Variants in UTP20 observed in about 807,000 individuals in gnomAD.
UTP20 encodes small subunit processome component 20 homolog.
A neutral mutation model predicts 329.5 loss-of-function variants in UTP20; 164 were observed. The observed-to-expected ratio is 0.50, with a 90% CI of 0.44 to 0.57. UTP20 has a LOEUF of 0.57. Among genes scored for constraint, UTP20 ranks in the 20% least tolerant of loss-of-function variants. UTP20 has a pLI of 0.00. For missense variants in UTP20, 3,055 were observed against 3,284.2 expected, an observed-to-expected ratio of 0.93 and a Z score of 1.71; for synonymous variants, 1,151 against 1,159.3, an observed-to-expected ratio of 0.99 and a Z score of 0.14.
intron 56 of UTP20, among the ~76,000 whole-genome samples, chr12:101,376,177 G>A (rs371041075): frequency 1.3e-5 from 2 of 152,022 alleles, no homozygotes; most frequent in African/African-American, 2.4e-5. Context: ...TTGAGAGGTT[G>A]CTTAGTTCCA....
At chr12:101,331,005 TCTTTC>T (rs147636254) in intron 27 of UTP20, among the ~76,000 whole-genome samples, 71 of 152,358 alleles carry the variant, frequency 4.7e-4, no homozygotes, top group African/African-American at 1.7e-3. Context: ...CTTTTTTGTG[TCTTTC>T]CTTTAGGGCA....
At chr12:101,320,213 T>G (rs1032565539) in intron 23 of UTP20, among the ~76,000 whole-genome samples, 2 of 152,210 alleles carry the variant, frequency 1.3e-5, no homozygotes, top group African/African-American at 4.8e-5. Context: ...GAGATTTTCC[T>G]TAGTACATGA....
chr12:101,376,644 T>C (rs909130989), intron 56 of UTP20, among the ~76,000 whole-genome samples: 2 of 152,140 alleles, frequency 1.3e-5, no homozygotes, highest in African/African-American at 2.4e-5. Context: ...GAACCACTTT[T>C]TTTTTGTTTT....
intron 12 of UTP20, 98 bp downstream of exon 12, chr12:101,295,756 G>C: frequency 1.6e-6 from 2 of 1,281,664 alleles, no homozygotes; most frequent in Non-Finnish European, 2.1e-6. Context: ...TATGTAACAG[G>C]AAAGATGTCC....
intron 25 of UTP20, among the ~76,000 whole-genome samples, chr12:101,323,010 G>A (rs74385735): frequency 2.2e-3 from 337 of 152,318 alleles, no homozygotes; most frequent in African/African-American, 7.4e-3. Context: ...GCAGATGGTT[G>A]TATGAAGTCC....
chr12:101,302,435 T>A lies in UTP20; in HGVS notation c.1676-13T>A. ...AATAAGTAATGTGGTTTCTCCTGTT[T>A]TTCTGCCCTTAGGAAACTTATTTGT... On this transcript the variant is annotated splice_polypyrimidine_tract_variant and intron_variant, in intron 14 of 61. Coordinates refer to ENST00000261637, the MANE Select transcript of UTP20 (RefSeq NM_014503.3). The A allele has an allele frequency of 1.3e-6, 2 of 1,529,178 alleles. No individual in the cohort carries two copies. The allele number at this position is 1,529,178 out of a possible 1,614,324, so 94.7% of individuals were successfully genotyped here. A position where few individuals can be genotyped will look rare whatever the true frequency, so the allele number is the denominator to read the frequency against.
At chr12:101,306,816 T>A in intron 17 of UTP20, 55 bp downstream of exon 17, 3 of 1,468,146 alleles carry the variant, frequency 2.0e-6, no homozygotes, top group Non-Finnish European at 1.8e-6. Flanking sequence ...TTACATATTA[T>A]TGTGGTTTCC....
At chr12:101,338,342 GA>G (rs1201380788) in intron 30 of UTP20, 65 bp downstream of exon 30, 41 of 1,530,322 alleles carry the variant, frequency 2.7e-5, no homozygotes, top group South Asian at 2.3e-4. Flanking sequence ...CCTTAGAAGA[GA>G]AAAAAAATCA....
chr12:101,294,880 A>G (rs1204188738), intron 11 of UTP20, among the ~76,000 whole-genome samples: 4 of 152,176 alleles, frequency 2.6e-5, no homozygotes, highest in African/African-American at 7.2e-5. Flanking sequence ...CTCGTTCTTT[A>G]AAAACTGGAA....
Position 101,363,664 on chromosome 12 carries a change from A to C in UTP20, c.5879A>C (p.Lys1960Thr). The C allele has an allele frequency of 9.9e-6, 16 of 1,613,844 alleles. No homozygotes were observed. The highest frequency in any genetic ancestry group is 1.4e-5 in the Non-Finnish European group (16 of 1,179,710). Reference sequence around the variant, plus strand: ...AAAGTCATGGAAGCACGAAGAAGCAAAAGTTACGACTCTTATGAAATCCTC... The same window carrying C: ...AAAGTCATGGAAGCACGAAGAAGCACAAGTTACGACTCTTATGAAATCCTC... ...LSKVMEARRS[K>T]SYDSYEILGK... The change falls in exon 45 of 62, where the codon AAA becomes ACA. Residue 1960 changes from lysine (K) to threonine (T), a missense_variant. Physicochemically the swap from Lys to Thr is moderately conservative, Grantham distance 78 (BLOSUM62 -1). This residue lies in a region of UTP20 where 2,445 missense variants were observed against 2,575.5 expected (regional missense o/e 0.95). Transcript: ENST00000261637.
intron 37 of UTP20, 69 bp from the exon 38 acceptor site, chr12:101,346,382 G>C (rs1455775701): frequency 1.3e-6 from 2 of 1,489,612 alleles, no homozygotes; most frequent in Non-Finnish European, 1.8e-6. Context: ...AAGAGAATAC[G>C]ATACTAAAAT....
In UTP20 at chr12:101,310,595, A is replaced by AAAAG. The variant is rs1330692306; in HGVS notation, c.2231+759_2231+760insGAAA. Among the ~76,000 whole-genome samples the AAAAG allele has an allele frequency of 1.1e-4, 14 of 121,762 alleles. 1 individual carries two copies. The highest frequency in any genetic ancestry group is 2.8e-4 in the Non-Finnish European group (14 of 49,802). 79.9% of individuals were successfully genotyped at this position (121,762 alleles called of 152,430 possible). A position where few individuals can be genotyped will look rare whatever the true frequency, so the allele number is the denominator to read the frequency against. On this transcript the variant is annotated intron_variant, in intron 19 of 61. Coordinates refer to ENST00000261637, the MANE Select transcript of UTP20 (RefSeq NM_014503.3). Reference sequence around the variant, plus strand: ...TGTCTCCCAAAAAAAAAAAAAAAAAAAAATACATGTTATGGCTCATGTGTA... The same window carrying AAAAG: ...TGTCTCCCAAAAAAAAAAAAAAAAAAAAAGAAATACATGTTATGGCTCATGTGTA...
Position 101,366,634 on chromosome 12 carries a change from G to A in UTP20, c.6202G>A (p.Gly2068Ser), listed in dbSNP as rs1210241748. ...TCTGCTTCCCCCAACTCCAGTTCGA[G>A]GTGGACAGAAAGCTGTTGTGAGCAG... ...CLLLPPTPVR[G>S]GQKAVVSRKT... is the part of the protein sequence containing the mutation. Residue 2068 changes from glycine (G) to serine (S), a missense_variant, in exon 47 of 62, where the codon GGT becomes AGT. Transcript: ENST00000261637. 19 of 1,614,012 alleles carry A rather than the reference G, an allele frequency of 1.2e-5. No homozygotes were observed. The highest frequency in any genetic ancestry group is 1.7e-5 in the Admixed American group (1 of 59,982).
In UTP20 at chr12:101,383,552, A is replaced by G. The variant is rs1317079186; in HGVS notation, c.7939A>G (p.Ile2647Val). ...TGATCTGTACTTTCAGAGAACATGC[A>G]TCTTTAAGTTCCTCGGCGCCGTAGC... The part of the protein sequence containing the change: ...SPRNPLKRTC[I>V]FKFLGAVAMD... The change falls in exon 60 of 62, where the codon ATC becomes GTC. Residue 2647 changes from isoleucine (I) to valine (V), a missense_variant. Physicochemically the swap from Ile to Val is conservative, Grantham distance 29. Coordinates refer to ENST00000261637, the MANE Select transcript of UTP20 (RefSeq NM_014503.3). The G allele has an allele frequency of 1.9e-6, 3 of 1,612,446 alleles. No homozygotes were observed. In the African/African-American group the frequency reaches 4.0e-5, roughly 22 times the overall value.
At position 101,357,072 on chromosome 12, in the gene UTP20, G is replaced by A. The variant is rs753504875; in HGVS notation, c.5681G>A (p.Arg1894His). 1.6e-5 allele frequency: 26 copies of A among 1,607,028 alleles called. No individual in the cohort carries two copies. The highest frequency in any genetic ancestry group is 1.3e-4 in the South Asian group (12 of 89,304). ...AAAGAATTACAGACTACTCTTGTCC[G>A]TGGATACCAGGTAAATTGCATCTTG... ...VLKELQTTLV[R>H]GYQVHVLTFT... Residue 1894 changes from arginine (R) to histidine (H), a missense_variant, in exon 43 of 62, where the codon CGT becomes CAT. By Grantham distance (29) the Arg-to-His change is conservative. This residue lies in a region of UTP20 where 2,445 missense variants were observed against 2,575.5 expected (regional missense o/e 0.95). Coordinates refer to ENST00000261637, the MANE Select transcript of UTP20 (RefSeq NM_014503.3).
intron 56 of UTP20, among the ~76,000 whole-genome samples, chr12:101,376,291 A>C (rs373572344): frequency 3.3e-5 from 5 of 152,358 alleles, no homozygotes; most frequent in South Asian, 2.1e-4. Context: ...CATTATGTAC[A>C]TATGCCAGTA....
At chr12:101,343,626 C>A (rs142985391) in intron 35 of UTP20, among the ~76,000 whole-genome samples, 56 of 152,302 alleles carry the variant, frequency 3.7e-4, no homozygotes, top group African/African-American at 1.3e-3. Flanking sequence ...TCTCCCACCT[C>A]AGCCTCCCGA....
intron 21 of UTP20, among the ~76,000 whole-genome samples, chr12:101,316,356 G>A (rs147934663): frequency 1.9e-3 from 296 of 152,284 alleles, no homozygotes; most frequent in Middle Eastern, 6.8e-3. Context: ...TGCTGTTCAC[G>A]GAGATAAAGG....
At position 101,305,940 on chromosome 12, in the gene UTP20, T is replaced by C. The variant is rs771035072; in HGVS notation, c.1807T>C (p.Leu603=). The C allele has an allele frequency of 6.2e-7, 1 of 1,610,154 alleles. No homozygotes were observed. Among genetic ancestry groups the C allele is most frequent in the East Asian group, 2.2e-5 (1 of 44,640 alleles). Residue 603 remains leucine (L), a synonymous_variant, in exon 16 of 62, where the codon TTG becomes CTG. Transcript: ENST00000261637. ...VLTFPLEPSV[L]LLTDLYYQRL... Reference sequence around the variant, plus strand: ...AACCTTTCCCCTGGAGCCATCTGTGTTGCTGTTGACTGATCTCTATTATCA... The same window carrying C: ...AACCTTTCCCCTGGAGCCATCTGTGCTGCTGTTGACTGATCTCTATTATCA...
Sources: allele counts gnomAD v4.1 joint callset (sites outside exome capture counted in the v4.1 genomes callset), GRCh38; gene constraint gnomAD v4.1.1; regional missense constraint gnomAD v4.1.1; transcripts MANE v1.5; gene names NCBI Gene and HGNC (gene_info 2026-07-23, HGNC 2026-07-21).